COG5: variants seen among roughly 807,000 people sequenced by gnomAD.
The protein encoded by COG5 is component of oligomeric golgi complex 5.
Under a neutral mutation model 110.4 loss-of-function variants are expected in COG5, and 86 were observed. The ratio of observed to expected loss-of-function variants is 0.78; its 90% CI spans 0.65 to 0.93. The LOEUF (loss-of-function observed/expected upper bound fraction) is 0.93. COG5 is among the 40% of genes least tolerant of loss of function. The probability of loss-of-function intolerance (pLI) is 0.00; values close to 1 mark genes in which losing one functional copy is unlikely to be tolerated. For missense variants in COG5, 1,077 were observed against 987.0 expected (o/e 1.09, Z -1.22); for synonymous variants, 360 against 334.6 (o/e 1.08, Z -0.83).
intron 6 of COG5, among the ~76,000 whole-genome samples, chr7:107,476,558 T>G (rs148053205): frequency 6.6e-6 from 1 of 151,598 alleles, no homozygotes; most frequent in Non-Finnish European, 1.5e-5. Context: ...TGTGGGAAAA[T>G]CATGAAATTA....
At chr7:107,546,169 CTT>C (rs1321683154) in intron 5 of COG5, among the ~76,000 whole-genome samples, 2 of 152,102 alleles carry the variant, frequency 1.3e-5, no homozygotes, top group African/African-American at 2.4e-5. Flanking sequence ...TTTAAAATGT[CTT>C]GAGACAAATG....
intron 8 of COG5, among the ~76,000 whole-genome samples, chr7:107,363,565 A>G (rs1813314117): frequency 6.6e-6 from 1 of 152,196 alleles, no homozygotes; most frequent in Non-Finnish European, 1.5e-5. Context: ...ATAAATGCAG[A>G]AAGAATGACA....
chr7:107,499,774 T>A (rs979573508), intron 6 of COG5, among the ~76,000 whole-genome samples: 1 of 152,064 alleles, frequency 6.6e-6, no homozygotes, highest in Non-Finnish European at 1.5e-5. Flanking sequence ...TCAGTGCAAA[T>A]AGGCGAATAG....
chr7:107,449,245 T>C (rs541700230), intron 6 of COG5, among the ~76,000 whole-genome samples: 2 of 152,238 alleles, frequency 1.3e-5, no homozygotes, highest in South Asian at 4.1e-4. Flanking sequence ...AAAACCTAGA[T>C]GATGGGTTGA....
chr7:107,383,949 C>A (rs372443840), intron 7 of COG5, among the ~76,000 whole-genome samples: 2 of 152,288 alleles, frequency 1.3e-5, no homozygotes, highest in South Asian at 4.1e-4. Flanking sequence ...AGAAGCCCAA[C>A]ATACCACCAA....
intron 17 of COG5, among the ~76,000 whole-genome samples, chr7:107,243,656 T>A (rs779688175): frequency 5.3e-5 from 8 of 151,898 alleles, no homozygotes; most frequent in Non-Finnish European, 1.0e-4. Context: ...AAATGCAACA[T>A]TGGACCAAAT....
chr7:107,336,864 T>G (rs1461012535), intron 10 of COG5, among the ~76,000 whole-genome samples: 1 of 152,118 alleles, frequency 6.6e-6, no homozygotes, highest in African/African-American at 2.4e-5. Flanking sequence ...GCCAGCTCAT[T>G]GCAGCCACAG....
intron 6 of COG5, among the ~76,000 whole-genome samples, chr7:107,427,652 C>G (rs1356416540): frequency 6.6e-6 from 1 of 151,942 alleles, no homozygotes; most frequent in African/African-American, 2.4e-5. Context: ...CTCGCTCAGC[C>G]CCAGGCCTGC....
chr7:107,485,841 G>C (rs1584884110), intron 6 of COG5, among the ~76,000 whole-genome samples: 1 of 152,074 alleles, frequency 6.6e-6, no homozygotes, highest in East Asian at 1.9e-4. Context: ...AAGAATATAA[G>C]TAAAGAGCAA....
chr7:107,376,298 A>G (rs1008675912), intron 7 of COG5, among the ~76,000 whole-genome samples: 7 of 151,992 alleles, frequency 4.6e-5, no homozygotes, highest in African/African-American at 1.4e-4. Context: ...AATTGGCTTG[A>G]CAAATGTCCT....
intron 14 of COG5, among the ~76,000 whole-genome samples, chr7:107,270,258 C>CTTT (rs10611550): frequency 5.1e-5 from 7 of 138,318 alleles, no homozygotes; most frequent in African/African-American, 1.6e-4. Context: ...CTCACACGTG[C>CTTT]TTTTTTTTTT....
intron 10 of COG5, among the ~76,000 whole-genome samples, chr7:107,341,884 G>A (rs192516118): frequency 1.9e-4 from 29 of 152,272 alleles, no homozygotes; most frequent in Admixed American, 1.6e-3. Flanking sequence ...CTTAACTAAG[G>A]TGGATTGAAG....
Position 107,210,594 on chromosome 7 carries a change from C to G in COG5, c.2307G>C (p.Trp769Cys). ...ELKSPFQRAE[W>C]SHTRFSQWLD... ...GCCACTGAGAGAAGCGTGTGTGGGA[C>G]CACTCTGCCCTCTGCAGGGTTGAAA... Residue 769 changes from tryptophan (W) to cysteine (C), a missense_variant, in exon 21 of 22, where the codon TGG becomes TGC. Coordinates refer to ENST00000297135, the MANE Select transcript of COG5 (RefSeq NM_006348.5). 1 of 1,601,970 alleles carries G rather than the reference C, an allele frequency of 6.2e-7. No individual in the cohort carries two copies. The highest frequency in any genetic ancestry group is 1.1e-5 in the South Asian group (1 of 88,444).
At chr7:107,255,028 G>A (rs942168419) in intron 16 of COG5, among the ~76,000 whole-genome samples, 2 of 152,158 alleles carry the variant, frequency 1.3e-5, no homozygotes, top group African/African-American at 4.8e-5. Flanking sequence ...TACACTTTAT[G>A]CAATTACATA....
rs58281094 is a variant in COG5, at chr7:107,529,024, T to TAAAAA, written c.418-1672_418-1668dup. Among the ~76,000 whole-genome samples the TAAAAA allele has an allele frequency of 5.1e-5, 5 of 97,842 alleles. No individual in the cohort carries two copies. In the South Asian group the frequency reaches 8.8e-4, roughly 17 times the overall value. 64.2% of individuals were successfully genotyped at this position (97,842 alleles called of 152,430 possible). A position where few individuals can be genotyped will look rare whatever the true frequency, so the allele number is the denominator to read the frequency against. ...GAGAAACTAATCTGAAATACTTAAATAAAAAAAAAAAAAAAGGAATGCCAA... is the reference window on the plus strand; with the variant it reads ...GAGAAACTAATCTGAAATACTTAAATAAAAAAAAAAAAAAAAAAAAGGAATGCCAA... On this transcript the variant is annotated intron_variant, in intron 5 of 21. Transcript: ENST00000297135.
At position 107,274,810 on chromosome 7, in the gene COG5, C is replaced by G. The variant is rs115045854; in HGVS notation, c.1575+6490G>C. On this transcript the variant is annotated intron_variant, in intron 14 of 21. Transcript: ENST00000297135. ...TTAACTAACAATTTCAAATTTTTTA[C>G]CTTCTCTTGAAAATATTGTCATTGC... is the stretch of plus-strand genomic sequence containing the variant. Among the ~76,000 whole-genome samples, 435 of 152,206 alleles carry G rather than the reference C, an allele frequency of 2.9e-3. 3 individuals are homozygous for G. Among genetic ancestry groups the G allele is most frequent in the African/African-American group, 9.9e-3 (410 of 41,554 alleles).
In COG5 at chr7:107,297,534, C is replaced by T. The variant is rs537746718; in HGVS notation, c.1313+608G>A. On this transcript the variant is annotated intron_variant, in intron 12 of 21. Coordinates refer to ENST00000297135, the MANE Select transcript of COG5 (RefSeq NM_006348.5). Reference sequence around the variant, plus strand: ...CGTGATCTCAGCTCACTGCTGCCTCCGTCTCCCGGGTTCAAGCGACTCTCC... The same window carrying T: ...CGTGATCTCAGCTCACTGCTGCCTCTGTCTCCCGGGTTCAAGCGACTCTCC... Among the ~76,000 whole-genome samples the T allele has an allele frequency of 5.4e-5, 8 of 148,006 alleles. No individual in the cohort carries two copies. In the South Asian group the frequency reaches 1.1e-3, roughly 20 times the overall value.
intron 17 of COG5, among the ~76,000 whole-genome samples, chr7:107,241,695 G>A (rs1484481832): frequency 1.3e-5 from 2 of 151,954 alleles, no homozygotes; most frequent in Non-Finnish European, 2.9e-5. Context: ...CTCGTGATCC[G>A]CCCGTCTCGG....
At chr7:107,257,666 G>GA (rs1562936767) in intron 15 of COG5, among the ~76,000 whole-genome samples, 1 of 152,102 alleles carries the variant, frequency 6.6e-6, no homozygotes, top group Non-Finnish European at 1.5e-5. Flanking sequence ...AGATGGACTT[G>GA]AAAGTGTTGC....
Sources: gnomAD v4.1 joint callset for allele counts (sites outside exome capture counted in the v4.1 genomes callset) on GRCh38, gnomAD v4.1.1 for gene constraint, MANE v1.5 for transcripts, NCBI Gene and HGNC (gene_info 2026-07-23, HGNC 2026-07-21) for gene names.